The following ATP8B1 variants were observed in gnomAD, a reference collection of about 807,000 sequenced individuals.
ATP8B1 encodes the protein ATPase phospholipid transporting 8B1, also known as phospholipid-transporting ATPase IC.
ATP8B1 carries 80 observed loss-of-function variants against 149.9 expected under a neutral mutation model. That is an observed-to-expected ratio of 0.53 (90% CI 0.45 to 0.64). The LOEUF is 0.64. Ranked by LOEUF, ATP8B1 falls within the 30% of genes least tolerant of loss-of-function variation. The pLI is 0.00. For missense variants in ATP8B1, 1,247 were observed against 1,552.6 expected (o/e 0.80, Z 3.31); for synonymous variants, 536 against 562.8 (o/e 0.95, Z 0.67).
intron 1 of ATP8B1, among the ~76,000 whole-genome samples, chr18:57,797,263 A>G (rs1017623659): frequency 6.6e-6 from 1 of 152,102 alleles, no homozygotes; most frequent in Non-Finnish European, 1.5e-5. Flanking sequence ...ACAAACCGCA[A>G]CTCCAGTAGA....
intron 20 of ATP8B1, among the ~76,000 whole-genome samples, chr18:57,663,432 A>G (rs1203810820): frequency 1.3e-5 from 2 of 152,114 alleles, no homozygotes; most frequent in African/African-American, 4.8e-5. Context: ...GCTTTCAATT[A>G]TTTTGTGGAT....
At chr18:57,751,750 C>T (rs1051236473) in intron 1 of ATP8B1, among the ~76,000 whole-genome samples, 5 of 152,238 alleles carry the variant, frequency 3.3e-5, no homozygotes, top group Non-Finnish European at 5.9e-5. Context: ...TGCTCCCTCA[C>T]AAGTACACTC....
Position 57,648,570 on chromosome 18 carries a change from C to T in ATP8B1, c.3674G>A (p.Arg1225His), listed in dbSNP as rs201815651. The change falls in exon 28 of 28, where the codon CGC becomes CAC. Residue 1225 changes from arginine to histidine, a missense_variant. By Grantham distance (29) the Arg-to-His change is conservative. Coordinates refer to ENST00000648908, the MANE Select transcript of ATP8B1 (RefSeq NM_001374385.1). ...CGGCGAGCGCTTCTTGCGGATGCTG[C>T]GCCCGGAGGAGATGAGGTCCGCGTA... is the stretch of plus-strand genomic sequence containing the variant. ...RGYADLISSG[R>H]SIRKKRSPLD... 1.7e-5 allele frequency: 28 copies of T among 1,611,348 alleles called. 1 individual carries two copies. In the South Asian group the frequency reaches 2.3e-4, roughly 13 times the overall value.
chr18:57,727,720 G>T (rs750601991), intron 2 of ATP8B1, among the ~76,000 whole-genome samples: 4 of 152,112 alleles, frequency 2.6e-5, no homozygotes, highest in Non-Finnish European at 5.9e-5. Flanking sequence ...ACCCAGGAGC[G>T]GGGTTGCAGT....
At chr18:57,679,448 CTTTA>C (rs1911813093) in intron 15 of ATP8B1, among the ~76,000 whole-genome samples, 1 of 152,064 alleles carries the variant, frequency 6.6e-6, no homozygotes, top group African/African-American at 2.4e-5. Flanking sequence ...TAAGAAAACT[CTTTA>C]TTTATGGCAC....
intron 16 of ATP8B1, among the ~76,000 whole-genome samples, chr18:57,672,958 C>A (rs1252546681): frequency 0.25 from 9,424 of 37,216 alleles, 1,608 homozygotes; most frequent in Middle Eastern, 0.46. Context: ...TATATACATA[C>A]ATATATCTAC....
At chr18:57,653,352 A>G (rs1354010948) in intron 24 of ATP8B1, among the ~76,000 whole-genome samples, 2 of 146,058 alleles carry the variant, frequency 1.4e-5, no homozygotes, top group Non-Finnish European at 3.0e-5. Context: ...TGGCACAAAC[A>G]CAACTCACTG....
intron 1 of ATP8B1, chr18:57,735,304 C>A: frequency 6.4e-6 from 1 of 155,798 alleles, no homozygotes; most frequent in South Asian, 1.8e-4. Context: ...CGTTGCCACT[C>A]CTGATCGCGC....
Position 57,668,125 on chromosome 18 carries a change from A to G in ATP8B1, c.2209+304T>C, listed in dbSNP as rs1371994653. On this transcript the variant is annotated intron_variant, in intron 19 of 27. Coordinates refer to ENST00000648908, the MANE Select transcript of ATP8B1 (RefSeq NM_001374385.1). ...CAAAGCACTGGAAGGACAGAGGGACAAGAGGGATGGCCCTTTCAGGACGGG... is the reference window on the plus strand; with the variant it reads ...CAAAGCACTGGAAGGACAGAGGGACGAGAGGGATGGCCCTTTCAGGACGGG... The G allele has an allele frequency of 2.2e-6, 3 of 1,349,906 alleles. No individual in the cohort carries two copies. The South Asian group carries it at 3.7e-5, about 17-fold the overall frequency. The allele number at this position is 1,349,906 out of a possible 1,614,324, so 83.6% of individuals were successfully genotyped here. A position where few individuals can be genotyped will look rare whatever the true frequency, so the allele number is the denominator to read the frequency against.
intron 26 of ATP8B1, among the ~76,000 whole-genome samples, 156 bp from the exon 27 acceptor site, chr18:57,650,653 G>C (rs1909551838): frequency 6.6e-6 from 1 of 152,028 alleles, no homozygotes; most frequent in African/African-American, 2.4e-5. Context: ...GACCAGCCTG[G>C]GCAACATGGT....
chr18:57,779,246 T>G (rs1396121763), intron 1 of ATP8B1, among the ~76,000 whole-genome samples: 1 of 150,820 alleles, frequency 6.6e-6, no homozygotes. Context: ...GCCTGGGAGG[T>G]CGAGGCTACA....
At chr18:57,793,661 C>T (rs1157294497) in intron 1 of ATP8B1, among the ~76,000 whole-genome samples, 1 of 151,976 alleles carries the variant, frequency 6.6e-6, no homozygotes, top group Non-Finnish European at 1.5e-5. Flanking sequence ...AGCACTCTTA[C>T]CCTAGGGCTT....
At chr18:57,771,764 C>T (rs1482243644) in intron 1 of ATP8B1, among the ~76,000 whole-genome samples, 1 of 152,060 alleles carries the variant, frequency 6.6e-6, no homozygotes, top group Non-Finnish European at 1.5e-5. Flanking sequence ...TAAATTAGTT[C>T]TCCAGTAATG....
Position 57,788,416 on chromosome 18 carries a change from G to A in ATP8B1, c.-26+14582C>T, listed in dbSNP as rs536661609. Among the ~76,000 whole-genome samples, 26 of 152,062 alleles carry A rather than the reference G, an allele frequency of 1.7e-4. No homozygotes were observed. The South Asian group carries it at 3.7e-3, about 22-fold the overall frequency. On this transcript the variant is annotated intron_variant, in intron 1 of 27. Coordinates refer to ENST00000648908, the MANE Select transcript of ATP8B1 (RefSeq NM_001374385.1). ...TAAAAATACAAACAATTAGTCGGGC[G>A]TGGTGGTGCCCATCTGTAATCCCAG...
intron 20 of ATP8B1, among the ~76,000 whole-genome samples, chr18:57,665,803 G>A (rs1433413255): frequency 1.3e-5 from 2 of 151,836 alleles, no homozygotes; most frequent in Non-Finnish European, 2.9e-5. Context: ...CACCCGCCTC[G>A]GCCTCCCAAT....
At chr18:57,693,652 G>T (rs772766108) in intron 11 of ATP8B1, among the ~76,000 whole-genome samples, 9 of 151,992 alleles carry the variant, frequency 5.9e-5, no homozygotes, top group Admixed American at 5.2e-4. Context: ...AGATTGCAGT[G>T]AGCCAAGATC....
chr18:57,661,444 T>C lies in ATP8B1; in HGVS notation c.2437A>G (p.Lys813Glu). The change falls in exon 22 of 28, where the codon AAA becomes GAA. Residue 813 changes from lysine to glutamate, a missense_variant. Lys to Glu is a moderately conservative substitution (Grantham distance 56, BLOSUM62 1). Coordinates refer to ENST00000648908, the MANE Select transcript of ATP8B1 (RefSeq NM_001374385.1). ...AGAATCTTATTTCTCTTGGTCTTTT[T>C]CTCGAGAAGAATTTCATTCTGTGAA... ...GSWLNEILLE[K>E]KTKRNKILKL... is the part of the protein sequence containing the mutation. 6.2e-7 allele frequency: 1 copy of C among 1,613,600 alleles called. No homozygotes were observed. Among genetic ancestry groups the C allele is most frequent in the East Asian group, 2.2e-5 (1 of 44,858 alleles).
In ATP8B1 at chr18:57,734,474, A is replaced by G. The variant is rs535387393; in HGVS notation, c.-25-2642T>C. Among the ~76,000 whole-genome samples the G allele has an allele frequency of 1.6e-4, 25 of 152,342 alleles. 1 individual carries two copies. The South Asian group carries it at 5.0e-3, about 30-fold the overall frequency. On this transcript the variant is annotated intron_variant, in intron 1 of 27. Transcript: ENST00000648908. ...ACTCAGTACCTAGCCTGCAATAAGT[A>G]TTCAATGAACATTAACTGTTAATTT...
chr18:57,672,956 T>C (rs1211626356), intron 16 of ATP8B1, among the ~76,000 whole-genome samples: 3 of 35,430 alleles, frequency 8.5e-5, no homozygotes, highest in Non-Finnish European at 1.3e-4. Flanking sequence ...CATATATACA[T>C]ACATATATCT....
Sources: gnomAD v4.1 joint callset for allele counts (sites outside exome capture counted in the v4.1 genomes callset) on GRCh38, gnomAD v4.1.1 for gene constraint, MANE v1.5 for transcripts, NCBI Gene and HGNC (gene_info 2026-07-23, HGNC 2026-07-21) for gene names.